MKLN1: variants seen among roughly 807,000 people sequenced by gnomAD.
MKLN1 encodes muskelin.
Under a neutral mutation model 99.0 loss-of-function variants are expected in MKLN1, and 18 were observed. The observed-to-expected ratio is 0.18, with a 90% CI of 0.13 to 0.27. The LOEUF (loss-of-function observed/expected upper bound fraction) is 0.27, where lower values mean the gene tolerates loss of function less well. Among genes scored for constraint, MKLN1 ranks in the 10% least tolerant of loss-of-function variants. The probability of loss-of-function intolerance (pLI) is 1.00; values close to 1 mark genes in which losing one functional copy is unlikely to be tolerated. For missense variants in MKLN1, 621 were observed against 875.9 expected, an observed-to-expected ratio of 0.71 and a Z score of 3.67; for synonymous variants, 288 against 293.2, an observed-to-expected ratio of 0.98 and a Z score of 0.18.
chr7:131,358,903 G>T (rs1287615643), intron 1 of MKLN1, among the ~76,000 whole-genome samples: 1 of 151,800 alleles, frequency 6.6e-6, no homozygotes, highest in African/African-American at 2.4e-5. Context: ...TGTCTTCTCT[G>T]TTTTTTTCTT....
Position 131,192,260 on chromosome 7 carries a change from CAATATATA to C in MKLN1, c.-296-10586_-296-10579del, listed in dbSNP as rs1410542011. Among the ~76,000 whole-genome samples, 7 of 61,594 alleles carry C rather than the reference CAATATATA, an allele frequency of 1.1e-4. No individual in the cohort carries two copies. In the East Asian group the frequency reaches 2.6e-3, roughly 23 times the overall value. The allele number at this position is 61,594 out of a possible 152,430, so 40.4% of individuals were successfully genotyped here. Reference sequence around the variant, plus strand: ...ATAAATATATAAAATATAATATATACAATATATAAATATATAAAATATATAATATATAC... The same window carrying C: ...ATAAATATATAAAATATAATATATACAATATATAAAATATATAATATATAC... On this transcript the variant is annotated intron_variant, in intron 2 of 7. Transcript: ENST00000416992.
chr7:131,284,841 G>A (rs960854031), intron 3 of MKLN1, among the ~76,000 whole-genome samples: 1 of 152,334 alleles, frequency 6.6e-6, no homozygotes, highest in Admixed American at 6.5e-5. Context: ...TGAGAAGCAA[G>A]TGAGGGGAAT....
chr7:131,349,048 A>G (rs925532013), intron 1 of MKLN1, among the ~76,000 whole-genome samples: 12 of 152,110 alleles, frequency 7.9e-5, no homozygotes, highest in Admixed American at 2.6e-4. Context: ...CCACATCCAC[A>G]TGTTATAGTT....
intron 12 of MKLN1, among the ~76,000 whole-genome samples, chr7:131,454,786 T>G (rs1462084021): frequency 6.6e-6 from 1 of 152,234 alleles, no homozygotes; most frequent in Non-Finnish European, 1.5e-5. Context: ...CTGATGACAG[T>G]AGAGAGATGC....
chr7:131,210,296 C>T (rs1353402556), intron 3 of MKLN1, among the ~76,000 whole-genome samples: 3 of 151,840 alleles, frequency 2.0e-5, no homozygotes, highest in Admixed American at 6.6e-5. Flanking sequence ...TTTGGGAGGC[C>T]GAGGAGGGTG....
chr7:131,144,196 GT>G (rs979193286), intron 2 of MKLN1, among the ~76,000 whole-genome samples: 2 of 152,030 alleles, frequency 1.3e-5, no homozygotes, highest in East Asian at 1.9e-4. Flanking sequence ...TATTTTAAAA[GT>G]TTTTCTTTTG....
intron 1 of MKLN1, among the ~76,000 whole-genome samples, chr7:131,352,644 T>C (rs571957462): frequency 9.3e-4 from 142 of 152,310 alleles, no homozygotes; most frequent in Non-Finnish European, 1.5e-3. Flanking sequence ...ATCAGTGTTA[T>C]TACTGGGTGA....
intron 2 of MKLN1, among the ~76,000 whole-genome samples, chr7:131,190,920 A>G (rs1313992885): frequency 1.3e-5 from 2 of 152,304 alleles, no homozygotes; most frequent in Admixed American, 1.3e-4. Flanking sequence ...CTGCTATTTA[A>G]TCCTAAAACT....
chr7:131,476,038 A>C, intron 16 of MKLN1, among the ~76,000 whole-genome samples: 1 of 152,238 alleles, frequency 6.6e-6, no homozygotes. Context: ...ATGTTAACAG[A>C]ATGAAGGAGG....
At chr7:131,157,010 C>T (rs1584797038) in intron 2 of MKLN1, among the ~76,000 whole-genome samples, 2 of 152,272 alleles carry the variant, frequency 1.3e-5, no homozygotes, top group South Asian at 2.1e-4. Context: ...CTGTCATTGT[C>T]GCCGCTACTG....
At chr7:131,141,429 C>A (rs980263789) in intron 1 of MKLN1, among the ~76,000 whole-genome samples, 3 of 152,102 alleles carry the variant, frequency 2.0e-5, no homozygotes, top group African/African-American at 7.2e-5. Context: ...CGGACTTTGC[C>A]CTCTTCAAAA....
At chr7:131,156,447 CAAAAAAAAAAAAAA>C (rs143988738) in intron 2 of MKLN1, among the ~76,000 whole-genome samples, 46 of 74,672 alleles carry the variant, frequency 6.2e-4, no homozygotes, top group Admixed American at 1.0e-3. Flanking sequence ...GACTCTGTCT[CAAAAAAAAAAAAAA>C]AAAAAAAAAG....
intron 3 of MKLN1, among the ~76,000 whole-genome samples, chr7:131,298,657 T>C (rs771308818): frequency 6.6e-6 from 1 of 152,352 alleles, no homozygotes; most frequent in South Asian, 2.1e-4. Context: ...TCTTTGTAGA[T>C]GTTTCTCCTA....
chr7:131,440,345 G>A (rs545007266), intron 10 of MKLN1, among the ~76,000 whole-genome samples: 11 of 152,214 alleles, frequency 7.2e-5, no homozygotes, highest in African/African-American at 2.2e-4. Context: ...TGGCTTCACC[G>A]GAAGTGCCAT....
At chr7:131,287,181 T>C (rs1032025011) in intron 3 of MKLN1, among the ~76,000 whole-genome samples, 1 of 152,230 alleles carries the variant, frequency 6.6e-6, no homozygotes, top group African/African-American at 2.4e-5. Flanking sequence ...ATCAGGTATA[T>C]CCTCCTGTCC....
At chr7:131,397,162 C>A (rs1001169859) in intron 4 of MKLN1, 105 bp from the exon 5 acceptor site, 1 of 707,250 alleles carries the variant, frequency 1.4e-6, no homozygotes, top group African/African-American at 1.8e-5. Context: ...CCAGAAAATT[C>A]GTTGAATGAA....
intron 3 of MKLN1, among the ~76,000 whole-genome samples, chr7:131,222,794 A>G (rs558973363): frequency 6.6e-6 from 1 of 151,720 alleles, no homozygotes; most frequent in Admixed American, 6.6e-5. Flanking sequence ...AGGCAGGTGA[A>G]TCACCTGAGG....
intron 17 of MKLN1, among the ~76,000 whole-genome samples, chr7:131,485,244 A>G (rs559243443): frequency 6.6e-6 from 1 of 152,250 alleles, no homozygotes; most frequent in South Asian, 2.1e-4. Context: ...ATCAGAATGA[A>G]TGATGACAGT....
chr7:131,397,620 C>T (rs569203947), intron 5 of MKLN1, among the ~76,000 whole-genome samples: 3 of 152,212 alleles, frequency 2.0e-5, no homozygotes, highest in Admixed American at 2.0e-4. Flanking sequence ...AAATGAAGAA[C>T]AGAGAGATTA....
Sources: allele counts gnomAD v4.1 joint callset (sites outside exome capture counted in the v4.1 genomes callset), GRCh38; gene constraint gnomAD v4.1.1; transcripts MANE v1.5; gene names NCBI Gene and HGNC (gene_info 2026-07-23, HGNC 2026-07-21).